CADPS: variants seen among roughly 807,000 people sequenced by gnomAD.
CADPS encodes the protein calcium dependent secretion activator.
In CADPS, 57 loss-of-function variants were observed where a neutral mutation model predicts 167.3. That is an observed-to-expected ratio of 0.34 (90% CI 0.28 to 0.42). The LOEUF (loss-of-function observed/expected upper bound fraction) is 0.42. CADPS is among the 20% of genes least tolerant of loss of function. The pLI is 1.00. For synonymous variants in CADPS, 676 were observed against 635.3 expected (o/e 1.06, Z -0.96); for missense variants, 1,414 against 1,738.1 (o/e 0.81, Z 3.32).
chr3:62,605,850 C>G (rs557852657), intron 6 of CADPS, among the ~76,000 whole-genome samples: 1 of 152,324 alleles, frequency 6.6e-6, no homozygotes, highest in Non-Finnish European at 1.5e-5. Context: ...GTACTGGAAT[C>G]AAACATCATG....
chr3:62,863,359 T>A (rs1017707671), intron 1 of CADPS, among the ~76,000 whole-genome samples: 2 of 152,186 alleles, frequency 1.3e-5, no homozygotes, highest in East Asian at 3.9e-4. Context: ...ACCTATCTTA[T>A]AAGGTTGTTA....
chr3:62,854,590 G>A (rs924146098), intron 1 of CADPS, among the ~76,000 whole-genome samples: 1 of 152,104 alleles, frequency 6.6e-6, no homozygotes, highest in Non-Finnish European at 1.5e-5. Flanking sequence ...ATGTGATGTG[G>A]GTGAGAACTA....
intron 2 of CADPS, among the ~76,000 whole-genome samples, chr3:62,754,911 C>G (rs1364201409): frequency 6.6e-6 from 1 of 152,166 alleles, no homozygotes; most frequent in Non-Finnish European, 1.5e-5. Context: ...ATACAAGTAT[C>G]AGGTAAACAT....
intron 3 of CADPS, among the ~76,000 whole-genome samples, chr3:62,691,047 T>G (rs2079012821): frequency 6.6e-6 from 1 of 152,028 alleles, no homozygotes; most frequent in Non-Finnish European, 1.5e-5. Context: ...CTTAGTTACA[T>G]GTTGCTGAGT....
chr3:62,515,140 C>T (rs2068677306), intron 16 of CADPS, among the ~76,000 whole-genome samples: 2 of 152,088 alleles, frequency 1.3e-5, no homozygotes, highest in South Asian at 4.1e-4. Flanking sequence ...TGGTTAGTTT[C>T]TTTTCCCCCC....
intron 3 of CADPS, among the ~76,000 whole-genome samples, chr3:62,750,659 T>G (rs2082499469): frequency 6.6e-6 from 1 of 152,204 alleles, no homozygotes; most frequent in Non-Finnish European, 1.5e-5. Context: ...CCTTTAGAGA[T>G]AAGCACAGTT....
chr3:62,445,518 G>C (rs1003769907), intron 27 of CADPS, among the ~76,000 whole-genome samples: 2 of 151,844 alleles, frequency 1.3e-5, no homozygotes, highest in African/African-American at 4.8e-5. Context: ...TGAAAGTGAA[G>C]TGGGTTTACC....
chr3:62,406,360 G>A (rs1465193296), intron 28 of CADPS, among the ~76,000 whole-genome samples: 1 of 152,064 alleles, frequency 6.6e-6, no homozygotes, highest in East Asian at 1.9e-4. Flanking sequence ...CTTATTAATC[G>A]GGTTTGCTTT....
In CADPS at chr3:62,493,649, C is replaced by T. The variant is rs867944914; in HGVS notation, c.2723G>A (p.Gly908Glu). The T allele has an allele frequency of 1.3e-6, 2 of 1,555,632 alleles. No individual in the cohort carries two copies. Among genetic ancestry groups the T allele is most frequent in the South Asian group, 1.2e-5 (1 of 84,442 alleles). ...EHHAEPHVDK[G>E]EAFAWWSDLM... ...ACGAGATTTCACTTTACTTACTTCT[C>T]CTTTATCAACATGTGGCTGGTTTGC... The change falls in exon 19 of 30, where the codon GGA becomes GAA. Residue 908 changes from glycine (G) to glutamate (E), a missense_variant. Physicochemically the swap from Gly to Glu is moderately conservative, Grantham distance 98. Coordinates refer to ENST00000383710, the MANE Select transcript of CADPS (RefSeq NM_003716.4).
chr3:62,850,485 G>A lies in CADPS; in HGVS notation c.441+24104C>T, dbSNP rs968131938. 4.9e-4 allele frequency among the ~76,000 whole-genome samples: 60 copies of A among 122,204 alleles called. 1 individual carries two copies. Among genetic ancestry groups the A allele is most frequent in the African/African-American group, 1.3e-3 (45 of 33,342 alleles). The allele number at this position is 122,204 out of a possible 152,430, so 80.2% of individuals were successfully genotyped here. On this transcript the variant is annotated intron_variant, in intron 1 of 29. Transcript: ENST00000383710. ...TCTGGTATGTTGTGTCTTTGTTCTCGTTGGTTTCAAAGAACATCTTTATTT... is the reference window on the plus strand; with the variant it reads ...TCTGGTATGTTGTGTCTTTGTTCTCATTGGTTTCAAAGAACATCTTTATTT...
At chr3:62,472,308 C>T (rs2060722411) in intron 24 of CADPS, among the ~76,000 whole-genome samples, 1 of 152,102 alleles carries the variant, frequency 6.6e-6, no homozygotes, top group Non-Finnish European at 1.5e-5. Flanking sequence ...ACTAAAACTA[C>T]AAAATTGTAC....
chr3:62,851,268 A>G (rs1169501528), intron 1 of CADPS, among the ~76,000 whole-genome samples: 1 of 135,118 alleles, frequency 7.4e-6, no homozygotes, highest in African/African-American at 2.8e-5. Flanking sequence ...AATTTAGTCC[A>G]TTTACATTTA....
chr3:62,402,366 A>G (rs768742789), intron 29 of CADPS, among the ~76,000 whole-genome samples: 19 of 152,118 alleles, frequency 1.2e-4, no homozygotes, highest in Non-Finnish European at 2.5e-4. Flanking sequence ...AGATTTTTGC[A>G]TACAAATGTT....
intron 7 of CADPS, 90 bp downstream of exon 7, chr3:62,592,547 G>T: frequency 2.2e-6 from 2 of 929,958 alleles, no homozygotes; most frequent in Non-Finnish European, 3.5e-6. Context: ...CTCAGCACTT[G>T]GCAATGCTGC....
intron 10 of CADPS, 112 bp from the exon 11 acceptor site, chr3:62,550,227 G>T: frequency 2.7e-6 from 2 of 752,924 alleles, no homozygotes; most frequent in Non-Finnish European, 4.5e-6. Context: ...AGAAGAGGGG[G>T]GTAGTGATTA....
chr3:62,809,322 C>G (rs1300686650), intron 1 of CADPS, among the ~76,000 whole-genome samples: 1 of 152,154 alleles, frequency 6.6e-6, no homozygotes, highest in Non-Finnish European at 1.5e-5. Flanking sequence ...TCAAAAATAC[C>G]CACAAGAGCA....
At chr3:62,634,695 T>C (rs912735708) in intron 6 of CADPS, among the ~76,000 whole-genome samples, 1 of 152,192 alleles carries the variant, frequency 6.6e-6, no homozygotes, top group African/African-American at 2.4e-5. Context: ...CAAAGGTATA[T>C]AAAATATTTT....
At position 62,536,528 on chromosome 3, in the gene CADPS, A is replaced by G; in HGVS notation, c.2020T>C (p.Cys674Arg). ...GMDEFISSNP[C>R]NFDHASLFEM... ...AAGAGGGAAGCGTGGTCAAAGTTACAGGGGTTGGAAGAGATAAATTCATCC... is the reference window on the plus strand; with the variant it reads ...AAGAGGGAAGCGTGGTCAAAGTTACGGGGGTTGGAAGAGATAAATTCATCC... Residue 674 changes from cysteine to arginine, a missense_variant, in exon 12 of 30, where the codon TGT becomes CGT. Physicochemically the swap from Cys to Arg is radical, Grantham distance 180. Coordinates refer to ENST00000383710, the MANE Select transcript of CADPS (RefSeq NM_003716.4). 3 of 1,613,308 alleles carry G rather than the reference A, an allele frequency of 1.9e-6. No homozygotes were observed. The South Asian group carries it at 3.3e-5, about 18-fold the overall frequency.
chr3:62,766,038 A>G (rs1218117356), intron 1 of CADPS, 54 bp from the exon 2 acceptor site: 7 of 1,304,374 alleles, frequency 5.4e-6, no homozygotes, highest in Non-Finnish European at 7.8e-6. Flanking sequence ...GACAAGGATC[A>G]TGGATACTTT....
Sources: gnomAD v4.1 joint callset for allele counts (sites outside exome capture counted in the v4.1 genomes callset) on GRCh38, gnomAD v4.1.1 for gene constraint, MANE v1.5 for transcripts, NCBI Gene and HGNC (gene_info 2026-07-23, HGNC 2026-07-21) for gene names.